EDARADD: variants seen among roughly 807,000 people sequenced by gnomAD.
EDARADD encodes ectodysplasin-A receptor-associated adapter protein.
A neutral mutation model predicts 25.6 loss-of-function variants in EDARADD; 20 were observed. The observed-to-expected ratio is 0.78, with a 90% CI of 0.55 to 1.14. The LOEUF (loss-of-function observed/expected upper bound fraction) is 1.14. Among genes scored for constraint, EDARADD ranks in the 50% most tolerant of loss-of-function variants. The pLI is 0.00. For synonymous variants in EDARADD, 86 were observed against 94.4 expected, an observed-to-expected ratio of 0.91 and a Z score of 0.52; for missense variants, 225 against 270.1, an observed-to-expected ratio of 0.83 and a Z score of 1.17.
chr1:236,388,173 CT>C (rs1185852542), intron 3 of EDARADD, among the ~76,000 whole-genome samples: 1 of 151,942 alleles, frequency 6.6e-6, no homozygotes, highest in Non-Finnish European at 1.5e-5. Context: ...TTTGAACTGT[CT>C]TTTGACCATT....
intron 4 of EDARADD, among the ~76,000 whole-genome samples, chr1:236,454,222 GT>G (rs528215126): frequency 1.3e-5 from 2 of 152,012 alleles, no homozygotes; most frequent in African/African-American, 2.4e-5. Flanking sequence ...ACTTTTTGTA[GT>G]TTTTTTAGTA....
At chr1:236,409,846 G>A (rs1352711653) in intron 2 of EDARADD, among the ~76,000 whole-genome samples, 1 of 151,842 alleles carries the variant, frequency 6.6e-6, no homozygotes, top group East Asian at 1.9e-4. Flanking sequence ...TTACAGATGT[G>A]AGCCACCGTA....
In EDARADD at chr1:236,444,508, G is replaced by A. The variant is rs145058388; in HGVS notation, c.219+17058G>A. ...ACAATTTCGGCTCACTGCAACCTCC[G>A]CCTGCAGGGTTCAAGCGATTCTCCT... On this transcript the variant is annotated intron_variant, in intron 4 of 5. Coordinates refer to ENST00000334232, the MANE Select transcript of EDARADD (RefSeq NM_145861.4). Among the ~76,000 whole-genome samples, 690 of 152,188 alleles carry A rather than the reference G, an allele frequency of 4.5e-3. 9 individuals carry two copies. The highest frequency in any genetic ancestry group is 0.016 in the African/African-American group (657 of 41,524).
chr1:236,385,016 C>T (rs1286916445), intron 3 of EDARADD, among the ~76,000 whole-genome samples: 2 of 149,502 alleles, frequency 1.3e-5, no homozygotes, highest in Non-Finnish European at 1.5e-5. Context: ...TAGAACTTCT[C>T]TTGTCTTGCT....
At chr1:236,350,131 T>A (rs1666898949) in intron 2 of EDARADD, among the ~76,000 whole-genome samples, 1 of 151,842 alleles carries the variant, frequency 6.6e-6, no homozygotes, top group African/African-American at 2.4e-5. Context: ...AAAAGAACAA[T>A]GAAGAAAAGG....
intron 2 of EDARADD, 53 bp downstream of exon 2, chr1:236,409,327 TTTG>T (rs1364555866): frequency 6.9e-6 from 10 of 1,452,006 alleles, no homozygotes; most frequent in Middle Eastern, 1.8e-4. Flanking sequence ...GCTTTTTTTC[TTTG>T]TTATTTCTTT....
chr1:236,473,867 C>T (rs757029095), intron 5 of EDARADD, among the ~76,000 whole-genome samples: 5 of 152,100 alleles, frequency 3.3e-5, no homozygotes, highest in Non-Finnish European at 5.9e-5. Context: ...ATCTCCTGAG[C>T]TAATCGAGCC....
At chr1:236,389,992 C>T (rs1212173765), upstream of EDARADD, among the ~76,000 whole-genome samples, 4 of 151,822 alleles carry the variant, frequency 2.6e-5, no homozygotes, top group African/African-American at 4.8e-5. Flanking sequence ...ACTCCAGCCT[C>T]GGAGACAGAG....
intron 4 of EDARADD, among the ~76,000 whole-genome samples, chr1:236,448,156 G>C (rs189834996): frequency 1.1e-3 from 173 of 152,298 alleles, no homozygotes; most frequent in African/African-American, 3.9e-3. Context: ...CTTTTATGAA[G>C]TACCAGTGCC....
In EDARADD at chr1:236,360,537, G is replaced by GA. The variant is rs1558100082; in HGVS notation, c.-6+9698_-6+9699insA. Among the ~76,000 whole-genome samples, 4 of 131,266 alleles carry GA rather than the reference G, an allele frequency of 3.0e-5. 1 individual carries two copies. Among genetic ancestry groups the GA allele is most frequent in the African/African-American group, 3.0e-5 (1 of 32,968 alleles). 86.1% of individuals were successfully genotyped at this position (131,266 alleles called of 152,430 possible). On this transcript the variant is annotated intron_variant, in intron 3 of 7. Coordinates refer to the EDARADD transcript ENST00000439430. ...CAGGACAGAGGGATTTTAATTCACG[G>GA]TTTTTTTTTTTTTTTTTTTTTTTTT...
In EDARADD at chr1:236,484,305, AT is replaced by A; in HGVS notation, c.*1657del. ...TTCTGGGGAGACTGAAAATACCTTC[AT>A]CACTGACCTGGTGGTGGGGCTGTGA... On this transcript the variant is annotated 3_prime_UTR_variant, in exon 6 of 6. Coordinates refer to ENST00000334232, the MANE Select transcript of EDARADD (RefSeq NM_145861.4). The surrounding 1 kb of genome is among the most constrained non-coding windows in gnomAD (Gnocchi z 4.1). The A allele has an allele frequency of 9.0e-7, 1 of 1,113,330 alleles. No homozygotes were observed. The highest frequency in any genetic ancestry group is 1.4e-6 in the Non-Finnish European group (1 of 724,314). The allele number at this position is 1,113,330 out of a possible 1,614,324, so 69.0% of individuals were successfully genotyped here.
rs192905228 is a variant in EDARADD at position 236,367,645 on chromosome 1, G to A, written c.-6+16806G>A. Among the ~76,000 whole-genome samples the A allele has an allele frequency of 3.8e-3, 571 of 152,262 alleles. 5 individuals carry two copies. Among genetic ancestry groups the A allele is most frequent in the African/African-American group, 0.013 (547 of 41,574 alleles). ...CTCCCAAAGTTCTGGGATCATAGGT[G>A]TGAGTCACCATGCCCAGCCACAATA... On this transcript the variant is annotated intron_variant, in intron 3 of 7. Coordinates refer to the EDARADD transcript ENST00000439430.
At chr1:236,449,661 A>G (rs977583688) in intron 4 of EDARADD, among the ~76,000 whole-genome samples, 1 of 152,150 alleles carries the variant, frequency 6.6e-6, no homozygotes, top group Non-Finnish European at 1.5e-5. Context: ...CCCATCCGGG[A>G]TATGGCTGCA....
At chr1:236,402,293 A>G (rs1218381256) in intron 1 of EDARADD, among the ~76,000 whole-genome samples, 1 of 152,124 alleles carries the variant, frequency 6.6e-6, no homozygotes, top group Non-Finnish European at 1.5e-5. Flanking sequence ...TTTATTGGCC[A>G]GGCGTGGTGG....
intron 5 of EDARADD, among the ~76,000 whole-genome samples, chr1:236,470,936 G>A (rs954542153): frequency 6.6e-6 from 1 of 151,892 alleles, no homozygotes; most frequent in Non-Finnish European, 1.5e-5. Flanking sequence ...AAGGACGGGG[G>A]TTCCCCATGT....
intron 4 of EDARADD, among the ~76,000 whole-genome samples, chr1:236,458,362 T>C (rs1369726179): frequency 1.3e-5 from 2 of 148,848 alleles, no homozygotes; most frequent in Non-Finnish European, 3.0e-5. Context: ...CTTAAAAAAC[T>C]TATCTGATGT....
intron 4 of EDARADD, among the ~76,000 whole-genome samples, chr1:236,466,440 A>ACGCACACAC: frequency 8.0e-6 from 1 of 124,474 alleles, no homozygotes; most frequent in Admixed American, 8.5e-5. Context: ...CTCTCTGATA[A>ACGCACACAC]ACACACACAC....
At position 236,437,802 on chromosome 1, in the gene EDARADD, C is replaced by T. The variant is rs182556907; in HGVS notation, c.219+10352C>T. Among the ~76,000 whole-genome samples, 1,098 of 137,168 alleles carry T rather than the reference C, an allele frequency of 8.0e-3. 7 individuals carry two copies. Among genetic ancestry groups the T allele is most frequent in the Non-Finnish European group, 8.9e-3 (594 of 66,380 alleles). The allele number at this position is 137,168 out of a possible 152,430, so 90.0% of individuals were successfully genotyped here. ...TGTCACCCAGGCCAGAGTGCAATGG[C>T]GTGATCTCAGATCTCAGCCCACTGC... On this transcript the variant is annotated intron_variant, in intron 4 of 5. Coordinates refer to ENST00000334232, the MANE Select transcript of EDARADD (RefSeq NM_145861.4).
At chr1:236,370,938 A>G (rs1441431011) in intron 3 of EDARADD, among the ~76,000 whole-genome samples, 2 of 152,222 alleles carry the variant, frequency 1.3e-5, no homozygotes, top group Admixed American at 6.5e-5. Flanking sequence ...TTCAGCCTAC[A>G]CCCAGGAATA....
Sources: allele counts gnomAD v4.1 joint callset (sites outside exome capture counted in the v4.1 genomes callset), GRCh38; gene constraint gnomAD v4.1.1; non-coding constraint Gnocchi (gnomAD v3.1); transcripts MANE v1.5; gene names NCBI Gene and HGNC (gene_info 2026-07-23, HGNC 2026-07-21).